GPD2: variants seen among roughly 807,000 people sequenced by gnomAD.
GPD2 encodes glycerol-3-phosphate dehydrogenase 2, also known as glycerol-3-phosphate dehydrogenase, mitochondrial.
Under a neutral mutation model 82.4 loss-of-function variants are expected in GPD2, and 54 were observed. The ratio of observed to expected loss-of-function variants is 0.66; its 90% CI spans 0.53 to 0.82. The LOEUF (loss-of-function observed/expected upper bound fraction) is 0.82, where lower values mean the gene tolerates loss of function less well. Among genes scored for constraint, GPD2 ranks in the 40% least tolerant of loss-of-function variants. GPD2 has a pLI of 0.00. For missense variants in GPD2, 748 were observed against 896.2 expected (o/e 0.83, Z 2.11); for synonymous variants, 288 against 306.1 (o/e 0.94, Z 0.62).
chr2:156,516,885 G>A (rs1685218951), intron 6 of GPD2, among the ~76,000 whole-genome samples: 1 of 152,220 alleles, frequency 6.6e-6, no homozygotes. Context: ...AATAAATGTT[G>A]CCATTAATAT....
chr2:156,538,051 G>T (rs886753281), intron 6 of GPD2, among the ~76,000 whole-genome samples: 16 of 152,176 alleles, frequency 1.1e-4, no homozygotes, highest in African/African-American at 2.9e-4. Flanking sequence ...TTATTTTATT[G>T]ATAACTATAT....
chr2:156,552,541 A>G (rs898744635), intron 8 of GPD2, among the ~76,000 whole-genome samples: 37 of 152,106 alleles, frequency 2.4e-4, no homozygotes, highest in Admixed American at 1.5e-3. Context: ...CATACATCTT[A>G]TATTTGTTTA....
intron 2 of GPD2, among the ~76,000 whole-genome samples, chr2:156,491,148 G>C (rs1030159889): frequency 6.6e-6 from 1 of 152,174 alleles, no homozygotes; most frequent in Non-Finnish European, 1.5e-5. Context: ...TCTGTTTTCA[G>C]ATTCTGTGCT....
At chr2:156,401,186 A>G in the GPD2 span, among the ~76,000 whole-genome samples, 1 of 152,244 alleles carries the variant, frequency 6.6e-6, no homozygotes, top group Non-Finnish European at 1.5e-5. Flanking sequence ...CCCGCGTGGC[A>G]GGCGAGAATT....
intron 1 of GPD2, among the ~76,000 whole-genome samples, chr2:156,474,232 A>AT (rs1339957072): frequency 6.6e-6 from 1 of 152,178 alleles, no homozygotes; most frequent in African/African-American, 2.4e-5. Flanking sequence ...ATGCCACCAC[A>AT]TATCAGTATA....
intron 2 of GPD2, among the ~76,000 whole-genome samples, chr2:156,489,610 T>G (rs1183536339): frequency 6.6e-6 from 1 of 152,210 alleles, no homozygotes; most frequent in East Asian, 1.9e-4. Context: ...CACAAAATAC[T>G]GATTGGATGA....
the GPD2 span, among the ~76,000 whole-genome samples, chr2:156,412,436 G>GT: frequency 6.3e-5 from 1 of 15,848 alleles, no homozygotes; most frequent in Non-Finnish European, 1.6e-4. Flanking sequence ...GACTTCGTCT[G>GT]TAAAAAAAAA....
At chr2:156,558,833 G>A (rs1687062233) in intron 9 of GPD2, among the ~76,000 whole-genome samples, 1 of 128,772 alleles carries the variant, frequency 7.8e-6, no homozygotes, top group African/African-American at 3.0e-5. Context: ...GGCCAGGTTG[G>A]TCTCAAACTC....
At chr2:156,401,225 A>G in the GPD2 span, among the ~76,000 whole-genome samples, 62 of 152,322 alleles carry the variant, frequency 4.1e-4, no homozygotes, top group African/African-American at 5.8e-4. Flanking sequence ...TGCTTATAGC[A>G]AATGTGCTTT....
chr2:156,472,884 G>A (rs1683381352), intron 1 of GPD2, among the ~76,000 whole-genome samples: 1 of 152,208 alleles, frequency 6.6e-6, no homozygotes, highest in South Asian at 2.1e-4. Flanking sequence ...AGTAGGCAGT[G>A]ACTTTGGGGA....
chr2:156,500,503 G>C (rs913791746), intron 3 of GPD2, among the ~76,000 whole-genome samples: 2 of 152,046 alleles, frequency 1.3e-5, no homozygotes, highest in Admixed American at 1.3e-4. Context: ...CTCTGCATTT[G>C]ATATGTTTTT....
intron 3 of GPD2, among the ~76,000 whole-genome samples, chr2:156,496,785 C>T (rs1183400316): frequency 6.6e-6 from 1 of 151,818 alleles, no homozygotes; most frequent in Non-Finnish European, 1.5e-5. Context: ...AATCACATAT[C>T]AGTCAATGGT....
At chr2:156,400,888 T>A in the GPD2 span, among the ~76,000 whole-genome samples, 265 of 152,284 alleles carry the variant, frequency 1.7e-3, no homozygotes, top group Middle Eastern at 6.8e-3. Flanking sequence ...CTGTTGTATC[T>A]TAGAACACTT....
At chr2:156,531,729 C>T (rs1685867841) in intron 6 of GPD2, among the ~76,000 whole-genome samples, 1 of 152,186 alleles carries the variant, frequency 6.6e-6, no homozygotes, top group Admixed American at 6.5e-5. Flanking sequence ...CTGCCCTTCT[C>T]AGTCCCAGAA....
At chr2:156,572,530 A>G (rs748287406) in intron 13 of GPD2, among the ~76,000 whole-genome samples, 3 of 152,136 alleles carry the variant, frequency 2.0e-5, no homozygotes, top group Non-Finnish European at 4.4e-5. Flanking sequence ...ACAAATCCAG[A>G]TCATTGGATA....
chr2:156,513,605 C>T (rs1017072345), intron 6 of GPD2, 109 bp downstream of exon 6: 4 of 850,802 alleles, frequency 4.7e-6, no homozygotes, highest in Non-Finnish European at 7.7e-6. Context: ...ACTAATCTTA[C>T]ACAACACACA....
intron 1 of GPD2, among the ~76,000 whole-genome samples, chr2:156,439,612 C>G (rs1171241795): frequency 6.9e-6 from 1 of 145,626 alleles, no homozygotes; most frequent in Non-Finnish European, 1.5e-5. Context: ...GCTGGGAGGC[C>G]TAGGCAGGCG....
At chr2:156,492,147 C>CTTTTT (rs770947790) in intron 2 of GPD2, among the ~76,000 whole-genome samples, 34 of 75,508 alleles carry the variant, frequency 4.5e-4, no homozygotes, top group Middle Eastern at 0.016. Flanking sequence ...CCCTCCCTAC[C>CTTTTT]TTTTTTTTTT....
chr2:156,495,544 T>G, intron 2 of GPD2: 1 of 436,008 alleles, frequency 2.3e-6, no homozygotes. Context: ...CTTTAACTTA[T>G]GTACCCCCAA....
Sources: gnomAD v4.1 joint callset for allele counts (sites outside exome capture counted in the v4.1 genomes callset) on GRCh38, gnomAD v4.1.1 for gene constraint, MANE v1.5 for transcripts, NCBI Gene and HGNC (gene_info 2026-07-23, HGNC 2026-07-21) for gene names.